JARID2: variants seen among roughly 807,000 people sequenced by gnomAD.
The protein encoded by JARID2 is protein Jumonji.
A neutral mutation model predicts 125.6 loss-of-function variants in JARID2; 21 were observed. The ratio of observed to expected loss-of-function variants is 0.17; its 90% CI spans 0.12 to 0.24. The LOEUF (loss-of-function observed/expected upper bound fraction) is 0.24, where lower values mean the gene tolerates loss of function less well. Among genes scored for constraint, JARID2 ranks in the 10% least tolerant of loss-of-function variants. The pLI is 1.00. For synonymous variants in JARID2, 736 were observed against 661.6 expected (o/e 1.11, Z -1.73); for missense variants, 1,303 against 1,639.6 (o/e 0.79, Z 3.55).
chr6:15,403,646 A>G lies in JARID2; in HGVS notation c.182-6578A>G, dbSNP rs142619170. On this transcript the variant is annotated intron_variant, in intron 2 of 17. Transcript: ENST00000341776. ...CCAGTGACCCAACTTTTCCATGTTA[A>G]TAATGAACACTGTGTCAGGTCTTAG... Among the ~76,000 whole-genome samples the G allele has an allele frequency of 2.9e-3, 448 of 152,320 alleles. 1 individual carries two copies. Among genetic ancestry groups the G allele is most frequent in the African/African-American group, 0.01 (430 of 41,582 alleles).
At chr6:15,411,940 T>A (rs1765896065) in intron 3 of JARID2, among the ~76,000 whole-genome samples, 1 of 152,190 alleles carries the variant, frequency 6.6e-6, no homozygotes. Context: ...TCACTGTGAT[T>A]CTCTCAGAAG....
chr6:15,421,009 C>T (rs796800889), intron 3 of JARID2, among the ~76,000 whole-genome samples: 26 of 152,302 alleles, frequency 1.7e-4, no homozygotes, highest in African/African-American at 5.1e-4. Flanking sequence ...ACATGAGGAG[C>T]GCCTTTGGCA....
At chr6:15,253,090 GTC>G (rs35030463) in intron 1 of JARID2, among the ~76,000 whole-genome samples, 53,310 of 150,988 alleles carry the variant, frequency 0.35, 10,145 homozygotes, top group African/African-American at 0.5. Flanking sequence ...AGACAGAGGA[GTC>G]TCTCTCTCTC....
chr6:15,391,311 G>A lies in JARID2; in HGVS notation c.181+17059G>A, dbSNP rs142230974. ...TGTTGGTGAAAGCTGCCCTGTAGGC[G>A]TAGTCGGTGTTAGGTTTGTATAGGA... On this transcript the variant is annotated intron_variant, in intron 2 of 17. Coordinates refer to ENST00000341776, the MANE Select transcript of JARID2 (RefSeq NM_004973.4). 9.7e-4 allele frequency among the ~76,000 whole-genome samples: 148 copies of A among 152,244 alleles called. 1 individual carries two copies. The highest frequency in any genetic ancestry group is 1.6e-3 in the Non-Finnish European group (107 of 68,008).
Position 15,273,827 on chromosome 6 carries a change from A to C in JARID2, c.45+27243A>C, listed in dbSNP as rs922302513. Among the ~76,000 whole-genome samples, 7 of 152,276 alleles carry C rather than the reference A, an allele frequency of 4.6e-5. No homozygotes were observed. In the East Asian group the frequency reaches 1.2e-3, roughly 25 times the overall value. On this transcript the variant is annotated intron_variant, in intron 1 of 17. Coordinates refer to ENST00000341776, the MANE Select transcript of JARID2 (RefSeq NM_004973.4). ...GAGTCAGGATCCTAGATGGAATGAAATGACACCTAAAGATTGGTGTCATTC... is the reference window on the plus strand; with the variant it reads ...GAGTCAGGATCCTAGATGGAATGAACTGACACCTAAAGATTGGTGTCATTC...
At chr6:15,339,483 C>T (rs982702877) in intron 1 of JARID2, among the ~76,000 whole-genome samples, 17 of 151,736 alleles carry the variant, frequency 1.1e-4, no homozygotes, top group Admixed American at 4.6e-4. Flanking sequence ...GGGTGCACCT[C>T]TTAACTGCTA....
At chr6:15,325,036 T>C (rs1215291294) in intron 1 of JARID2, among the ~76,000 whole-genome samples, 1 of 152,032 alleles carries the variant, frequency 6.6e-6, no homozygotes, top group African/African-American at 2.4e-5. Flanking sequence ...CGTATGTGTT[T>C]ATAATTTCTT....
At chr6:15,248,883 G>A (rs990585008) in intron 1 of JARID2, 13 of 985,030 alleles carry the variant, frequency 1.3e-5, no homozygotes, top group Non-Finnish European at 1.6e-5. Context: ...CCGCAGAGCC[G>A]GGCTGCGGCG....
chr6:15,453,432 T>C (rs1163021682), intron 4 of JARID2, among the ~76,000 whole-genome samples: 1 of 152,382 alleles, frequency 6.6e-6, no homozygotes, highest in East Asian at 1.9e-4. Flanking sequence ...ACAAGGGAAG[T>C]GATTCCTCCT....
chr6:15,468,123 T>C (rs941417818), intron 4 of JARID2, among the ~76,000 whole-genome samples: 1 of 151,840 alleles, frequency 6.6e-6, no homozygotes, highest in Admixed American at 6.6e-5. Context: ...ACAGTGATTT[T>C]ATATAATGAA....
At chr6:15,444,241 T>G (rs747439808) in intron 3 of JARID2, among the ~76,000 whole-genome samples, 30 of 152,168 alleles carry the variant, frequency 2.0e-4, no homozygotes, top group Non-Finnish European at 4.0e-4. Flanking sequence ...ACCCTGACCG[T>G]TTAAAACTGT....
intron 10 of JARID2, 23 bp from the exon 11 acceptor site, chr6:15,507,323 G>T: frequency 6.2e-7 from 1 of 1,611,644 alleles, no homozygotes; most frequent in Non-Finnish European, 8.5e-7. Context: ...AGTTTGTAAC[G>T]TCCCTCGTCT....
intron 3 of JARID2, among the ~76,000 whole-genome samples, chr6:15,426,674 G>T (rs1403557156): frequency 6.6e-6 from 1 of 152,194 alleles, no homozygotes; most frequent in Non-Finnish European, 1.5e-5. Context: ...AGCTCCAAGA[G>T]GGTTTCCTGT....
At chr6:15,376,068 G>A (rs960629284) in intron 2 of JARID2, among the ~76,000 whole-genome samples, 6 of 152,210 alleles carry the variant, frequency 3.9e-5, no homozygotes, top group African/African-American at 1.4e-4. Flanking sequence ...CTCTGGCAGA[G>A]TCAAGGGATT....
At chr6:15,298,077 C>A (rs1425535028) in intron 1 of JARID2, among the ~76,000 whole-genome samples, 1 of 152,102 alleles carries the variant, frequency 6.6e-6, no homozygotes, top group Non-Finnish European at 1.5e-5. Flanking sequence ...AACATAGTAG[C>A]CAAGACATTT....
intron 1 of JARID2, among the ~76,000 whole-genome samples, chr6:15,295,214 T>C (rs371331390): frequency 4.0e-5 from 6 of 150,870 alleles, no homozygotes; most frequent in East Asian, 2.0e-4. Context: ...CTCCGCTTCC[T>C]GGGTTCACGC....
intron 1 of JARID2, among the ~76,000 whole-genome samples, chr6:15,289,818 C>T (rs906749514): frequency 6.6e-6 from 1 of 152,048 alleles, no homozygotes; most frequent in African/African-American, 2.4e-5. Flanking sequence ...TGCACTCCAG[C>T]CTGGGTGAGA....
chr6:15,284,386 T>G (rs937752865), intron 1 of JARID2, among the ~76,000 whole-genome samples: 2 of 152,218 alleles, frequency 1.3e-5, no homozygotes, highest in South Asian at 4.1e-4. Context: ...GTATTCTGTG[T>G]TAAATAATGT....
chr6:15,247,596 G>A lies in JARID2; in HGVS notation c.45+1012G>A, dbSNP rs1311009327. The stretch of plus-strand genomic sequence containing the variant: ...AGGAATAATGCAACGTAAGAGGAAA[G>A]TTTATTTAAGTTGGGTAGACAAATT... On this transcript the variant is annotated intron_variant, in intron 1 of 17. Coordinates refer to ENST00000341776, the MANE Select transcript of JARID2 (RefSeq NM_004973.4). 7.1e-6 allele frequency: 7 copies of A among 984,456 alleles called. No homozygotes were observed. The African/African-American group carries it at 1.1e-4, about 15-fold the overall frequency. The allele number at this position is 984,456 out of a possible 1,614,324, so 61.0% of individuals were successfully genotyped here.
Sources: gnomAD v4.1 joint callset for allele counts (sites outside exome capture counted in the v4.1 genomes callset) on GRCh38, gnomAD v4.1.1 for gene constraint, MANE v1.5 for transcripts, NCBI Gene and HGNC (gene_info 2026-07-23, HGNC 2026-07-21) for gene names.